SP140L: variants seen among roughly 807,000 people sequenced by gnomAD.
SP140L encodes SP140 like nuclear body protein.
In SP140L, 64 loss-of-function variants were observed where a neutral mutation model predicts 84.3. The ratio of observed to expected loss-of-function variants is 0.76; its 90% CI spans 0.62 to 0.94. SP140L has a LOEUF of 0.94. Ranked by LOEUF, SP140L falls within the 40% of genes least tolerant of loss-of-function variation. The probability of loss-of-function intolerance (pLI) is 0.00; values close to 1 mark genes in which losing one functional copy is unlikely to be tolerated. For missense variants in SP140L, 628 were observed against 692.5 expected, an observed-to-expected ratio of 0.91 and a Z score of 1.05; for synonymous variants, 242 against 236.9, an observed-to-expected ratio of 1.02 and a Z score of -0.20.
At chr2:230,388,725 A>G in intron 10 of SP140L, 92 bp downstream of exon 10, 1 of 1,097,322 alleles carries the variant, frequency 9.1e-7, no homozygotes, top group East Asian at 2.7e-5. Flanking sequence ...CTATTTCTTT[A>G]ATTGTTTTAT....
intron 4 of SP140L, among the ~76,000 whole-genome samples, chr2:230,361,330 C>A (rs1317059702): frequency 1.3e-5 from 2 of 152,186 alleles, no homozygotes; most frequent in Non-Finnish European, 2.9e-5. Context: ...TTCCTTAACA[C>A]TTGATGTATG....
At chr2:230,369,866 T>C (rs565938751) in intron 5 of SP140L, among the ~76,000 whole-genome samples, 13 of 152,322 alleles carry the variant, frequency 8.5e-5, no homozygotes, top group Admixed American at 2.6e-4. Context: ...CTCTGCCTCC[T>C]GGGTTCAAGT....
Position 230,387,099 on chromosome 2 carries a change from C to G in SP140L, c.785-1460C>G, listed in dbSNP as rs78447558. 5.1e-3 allele frequency among the ~76,000 whole-genome samples: 784 copies of G among 152,246 alleles called. 2 individuals carry two copies. The highest frequency in any genetic ancestry group is 0.018 in the African/African-American group (748 of 41,534). On this transcript the variant is annotated intron_variant, in intron 9 of 18. Coordinates refer to ENST00000415673, the MANE Select transcript of SP140L (RefSeq NM_138402.6). The stretch of plus-strand genomic sequence containing the variant: ...TTCTCAGAGAGCCACACCTGTGTGG[C>G]TGATGTTCTATTGCCTGGAAACCTC...
chr2:230,359,211 T>TATCGCACATGGTAGGA, intron 4 of SP140L, 79 bp downstream of exon 4: 3 of 1,261,874 alleles, frequency 2.4e-6, no homozygotes, highest in Non-Finnish European at 3.4e-6. Flanking sequence ...TCCTACCATG[T>TATCGCACATGGTAGGA]GCGATACATT....
chr2:230,331,526 T>A (rs199517949), intron 2 of SP140L, among the ~76,000 whole-genome samples: 2 of 152,240 alleles, frequency 1.3e-5, no homozygotes, highest in Non-Finnish European at 2.9e-5. Context: ...TTCTAGGTAG[T>A]GTTCTGTAAC....
intron 2 of SP140L, 41 bp from the exon 3 acceptor site, chr2:230,357,763 GA>G: frequency 6.3e-7 from 1 of 1,577,012 alleles, no homozygotes; most frequent in Non-Finnish European, 8.6e-7. Flanking sequence ...AAACATCTCA[GA>G]ATCTTGATGA....
intron 9 of SP140L, 51 bp downstream of exon 9, chr2:230,385,355 T>C (rs2061541132): frequency 1.3e-6 from 2 of 1,564,640 alleles, no homozygotes; most frequent in African/African-American, 1.4e-5. Flanking sequence ...TCAATGCACA[T>C]GTTGAGGTTT....
intron 2 of SP140L, among the ~76,000 whole-genome samples, chr2:230,357,604 A>T (rs2060586649): frequency 6.6e-6 from 1 of 152,160 alleles, no homozygotes; most frequent in African/African-American, 2.4e-5. Flanking sequence ...CCTCTATATT[A>T]GTCTTGCATA....
chr2:230,356,589 A>C (rs941606373), intron 2 of SP140L, among the ~76,000 whole-genome samples: 1 of 152,208 alleles, frequency 6.6e-6, no homozygotes, highest in African/African-American at 2.4e-5. Flanking sequence ...GCCTGGCTGC[A>C]TGTGTTCAGT....
At chr2:230,401,134 C>A in intron 16 of SP140L, 71 bp downstream of exon 16, 6 of 694,032 alleles carry the variant, frequency 8.6e-6, no homozygotes, top group African/African-American at 3.9e-5. Flanking sequence ...AGCGCAAGGG[C>A]AGGGGAATGT....
chr2:230,372,013 G>A, intron 7 of SP140L: 1 of 225,592 alleles, frequency 4.4e-6, no homozygotes, highest in Non-Finnish European at 8.8e-6. Flanking sequence ...AATGTTGCAG[G>A]CTTTGAAGAT....
chr2:230,393,293 C>A, intron 12 of SP140L, 121 bp from the exon 13 acceptor site: 1 of 1,063,260 alleles, frequency 9.4e-7, no homozygotes, highest in Non-Finnish European at 1.3e-6. Context: ...CATTCAGACA[C>A]ACTGGGTTTG....
chr2:230,402,646 C>T (rs1367708601), intron 18 of SP140L, among the ~76,000 whole-genome samples, 152 bp from the exon 19 acceptor site: 2 of 152,206 alleles, frequency 1.3e-5, no homozygotes, highest in Non-Finnish European at 2.9e-5. Flanking sequence ...AATCACAACA[C>T]TGCTTTGTAC....
intron 2 of SP140L, among the ~76,000 whole-genome samples, chr2:230,353,153 G>T (rs1014287018): frequency 4.6e-5 from 7 of 151,772 alleles, no homozygotes; most frequent in Admixed American, 3.3e-4. Flanking sequence ...CAATCTCATT[G>T]CCATTACCTT....
intron 2 of SP140L, among the ~76,000 whole-genome samples, chr2:230,354,877 GAAAGAA>G (rs2060483249): frequency 8.7e-6 from 1 of 115,226 alleles, no homozygotes; most frequent in Non-Finnish European, 1.8e-5. Flanking sequence ...AAGAAAGAAA[GAAAGAA>G]AGAAAGAAAG....
intron 14 of SP140L, among the ~76,000 whole-genome samples, chr2:230,398,578 A>C (rs2062164229): frequency 6.6e-6 from 1 of 152,372 alleles, no homozygotes; most frequent in East Asian, 1.9e-4. Context: ...TCTGTGAGAC[A>C]GCCAAAAAAC....
intron 2 of SP140L, among the ~76,000 whole-genome samples, chr2:230,351,244 T>G (rs1330249321): frequency 6.6e-6 from 1 of 152,182 alleles, no homozygotes; most frequent in Admixed American, 6.5e-5. Context: ...CAGCCATGAG[T>G]GTCTGTTTCT....
At position 230,357,844 on chromosome 2, in the gene SP140L, C is replaced by G. The variant is rs752805202; in HGVS notation, c.147C>G (p.Val49=). ...ACCAGGATGTAGATGAGGGACTTGT[C>G]TATGACACTGTATTCAAGCACTTCA... ...TEDQDVDEGL[V]YDTVFKHFKR... Residue 49 remains valine, a synonymous_variant, in exon 3 of 19, where the codon GTC becomes GTG. Transcript: ENST00000415673. 6 of 1,613,950 alleles carry G rather than the reference C, an allele frequency of 3.7e-6. No homozygotes were observed. The East Asian group carries it at 1.1e-4, about 30-fold the overall frequency.
chr2:230,400,071 G>A (rs191896400), intron 14 of SP140L, 56 bp from the exon 15 acceptor site: 1 of 1,591,742 alleles, frequency 6.3e-7, no homozygotes, highest in East Asian at 2.2e-5. Flanking sequence ...GCCCAGAGGG[G>A]TGGCCTTCCT....
Sources: allele counts gnomAD v4.1 joint callset (sites outside exome capture counted in the v4.1 genomes callset), GRCh38; gene constraint gnomAD v4.1.1; transcripts MANE v1.5; gene names NCBI Gene and HGNC (gene_info 2026-07-23, HGNC 2026-07-21).